TRPM6: variants seen among roughly 807,000 people sequenced by gnomAD.
The protein encoded by TRPM6 is channel kinase 2.
TRPM6 carries 111 observed loss-of-function variants against 247.6 expected under a neutral mutation model. The ratio of observed to expected loss-of-function variants is 0.45; its 90% CI spans 0.38 to 0.52. The LOEUF (loss-of-function observed/expected upper bound fraction) is 0.52. Ranked by LOEUF, TRPM6 falls within the 20% of genes least tolerant of loss-of-function variation. The pLI is 0.00. For synonymous variants in TRPM6, 892 were observed against 853.8 expected (o/e 1.04, Z -0.78); for missense variants, 2,126 against 2,421.5 (o/e 0.88, Z 2.56).
intron 34 of TRPM6, 134 bp downstream of exon 34, chr9:74,739,589 C>A: frequency 3.3e-6 from 5 of 1,517,444 alleles, no homozygotes; most frequent in Non-Finnish European, 4.6e-6. Flanking sequence ...AAAAGTCCTA[C>A]AAAGCAATAC....
intron 11 of TRPM6, among the ~76,000 whole-genome samples, chr9:74,813,043 G>C (rs1564026505): frequency 6.6e-6 from 1 of 152,176 alleles, no homozygotes; most frequent in Non-Finnish European, 1.5e-5. Context: ...TGAATGTACA[G>C]GCTTAATGCA....
rs375322931 is a variant in TRPM6 at position 74,762,694 on chromosome 9, A to G, written c.3977T>C (p.Ile1326Thr). The G allele has an allele frequency of 1.2e-5, 20 of 1,614,028 alleles. No individual in the cohort carries two copies. Among genetic ancestry groups the G allele is most frequent in the Admixed American group, 3.3e-5 (2 of 60,008 alleles). ...DQERQETQSS[I>T]VVSGVSPNRQ... ...GTTAGGAGACACCCCAGAAACCACT[A>G]TACTACTTTGTGTTTCTTGCCTTTC... The change falls in exon 26 of 39, where the codon ATA (isoleucine) becomes ACA (threonine). Residue 1326 changes from isoleucine to threonine, a missense_variant. By Grantham distance (89) the Ile-to-Thr change is moderately conservative. This residue lies in a region of TRPM6 where 717 missense variants were observed against 715.9 expected (regional missense o/e 1.00). Coordinates refer to ENST00000360774, the MANE Select transcript of TRPM6 (RefSeq NM_017662.5).
rs779828405 is a variant in TRPM6 at position 74,752,303 on chromosome 9, T to C, written c.4972A>G (p.Ser1658Gly). 1 of 1,600,758 alleles carries C rather than the reference T, an allele frequency of 6.2e-7. No individual in the cohort carries two copies. The highest frequency in any genetic ancestry group is 1.7e-5 in the Admixed American group (1 of 59,688). Residue 1658 changes from serine (S) to glycine (G), a missense_variant, in exon 29 of 39, where the codon AGT becomes GGT. By Grantham distance (56) the Ser-to-Gly change is moderately conservative (BLOSUM62 0). Around this residue, in one of 3 missense-constraint regions of TRPM6, gnomAD observed 717 missense variants for 715.9 expected, o/e 1.00. Transcript: ENST00000360774. ...KEIGQCAIQI[S>G]DYLKQSQEDL... Reference sequence around the variant, plus strand: ...TCTTGAGACTGCTTTAGGTAATCACTGATTTGTATAGCACATTGTCCAATT... The same window carrying C: ...TCTTGAGACTGCTTTAGGTAATCACCGATTTGTATAGCACATTGTCCAATT...
At chr9:74,883,866 T>C (rs1468413758) in intron 1 of TRPM6, among the ~76,000 whole-genome samples, 2 of 152,062 alleles carry the variant, frequency 1.3e-5, no homozygotes. Context: ...TTAAAATAAA[T>C]AGATCGGGTG....
rs956515483 is a variant in TRPM6, at chr9:74,761,926, A to AAAAAC, written c.4672+68_4672+72dup. On this transcript the variant is annotated intron_variant, in intron 26 of 38. Transcript: ENST00000360774. Reference sequence around the variant, plus strand: ...AATGTGGTTAAGAGTCACAGATTTAAAAAACAAAACAAAACAAAACCAGTA... The same window carrying AAAAAC: ...AATGTGGTTAAGAGTCACAGATTTAAAAAACAAAACAAAACAAAACAAAACCAGTA... 152 of 1,563,048 alleles carry AAAAAC rather than the reference A, an allele frequency of 9.7e-5. No individual in the cohort carries two copies. In the East Asian group the frequency reaches 2.5e-3, roughly 26 times the overall value.
At chr9:74,882,626 A>C (rs1252729091) in intron 1 of TRPM6, among the ~76,000 whole-genome samples, 1 of 152,208 alleles carries the variant, frequency 6.6e-6, no homozygotes, top group East Asian at 1.9e-4. Flanking sequence ...ACTGGCAAGG[A>C]TGCAGAGAAA....
intron 3 of TRPM6, among the ~76,000 whole-genome samples, chr9:74,852,649 G>A (rs1234847402): frequency 1.5e-5 from 2 of 136,252 alleles, no homozygotes; most frequent in Non-Finnish European, 3.2e-5. Flanking sequence ...GCGCCGCCAC[G>A]CCTGACTGGT....
chr9:74,805,311 G>A (rs1828491913), intron 14 of TRPM6, among the ~76,000 whole-genome samples: 2 of 152,238 alleles, frequency 1.3e-5, no homozygotes, highest in South Asian at 4.1e-4. Context: ...CCTATGCTCT[G>A]TAATGCAATT....
intron 21 of TRPM6, among the ~76,000 whole-genome samples, chr9:74,783,506 C>G (rs1827536045): frequency 6.6e-6 from 1 of 152,194 alleles, no homozygotes. Flanking sequence ...AGCCATTAGA[C>G]TTTCTCCATC....
intron 11 of TRPM6, among the ~76,000 whole-genome samples, chr9:74,814,742 G>C (rs1471412248): frequency 6.6e-6 from 1 of 152,128 alleles, no homozygotes; most frequent in Non-Finnish European, 1.5e-5. Context: ...CTTGAGCCTA[G>C]GAGTTCGACC....
At chr9:74,792,837 T>C (rs1390168867) in intron 18 of TRPM6, 67 bp from the exon 19 acceptor site, 9 of 1,424,348 alleles carry the variant, frequency 6.3e-6, no homozygotes, top group Non-Finnish European at 8.9e-6. Context: ...AGCATGAACA[T>C]CCAAAAAATA....
At chr9:74,852,836 C>G (rs532375229) in intron 3 of TRPM6, among the ~76,000 whole-genome samples, 8 of 151,840 alleles carry the variant, frequency 5.3e-5, no homozygotes, top group South Asian at 2.1e-4. Context: ...GATCTCGGCT[C>G]GCTACAACCT....
chr9:74,756,960 G>A (rs547429282), intron 27 of TRPM6, among the ~76,000 whole-genome samples: 3 of 152,198 alleles, frequency 2.0e-5, no homozygotes, highest in Non-Finnish European at 2.9e-5. Flanking sequence ...TACTTTGGGA[G>A]GTGAGGTGGG....
At chr9:74,835,443 G>C (rs1385205680) in intron 5 of TRPM6, among the ~76,000 whole-genome samples, 1 of 151,982 alleles carries the variant, frequency 6.6e-6, no homozygotes, top group African/African-American at 2.4e-5. Context: ...TATGTCCCTT[G>C]CTCATTAAGG....
chr9:74,738,656 A>C (rs779042453), intron 35 of TRPM6, 44 bp from the exon 36 acceptor site: 7 of 1,550,370 alleles, frequency 4.5e-6, no homozygotes, highest in Non-Finnish European at 5.3e-6. Context: ...AATACAGCAA[A>C]AGTGGGACTT....
chr9:74,856,465 GTC>G (rs71497364), intron 2 of TRPM6, among the ~76,000 whole-genome samples: 3 of 118,056 alleles, frequency 2.5e-5, no homozygotes, highest in Non-Finnish European at 5.1e-5. Flanking sequence ...GTGTGTGTGT[GTC>G]TGTGTGTGTG....
intron 14 of TRPM6, chr9:74,804,520 A>G: frequency 1.4e-6 from 1 of 719,998 alleles, no homozygotes; most frequent in South Asian, 1.4e-5. Context: ...GAGATTGAAA[A>G]AGAAGAGCAG....
intron 5 of TRPM6, among the ~76,000 whole-genome samples, chr9:74,835,799 T>C (rs990707400): frequency 2.6e-5 from 4 of 152,108 alleles, no homozygotes; most frequent in Non-Finnish European, 5.9e-5. Flanking sequence ...TAGACTTTAT[T>C]TTTTAGAGTA....
Position 74,763,000 on chromosome 9 carries a change from A to T in TRPM6, c.3671T>A (p.Val1224Asp). The T allele has an allele frequency of 6.2e-7, 1 of 1,613,304 alleles. No individual in the cohort carries two copies. The highest frequency in any genetic ancestry group is 1.1e-5 in the South Asian group (1 of 91,064). Residue 1224 changes from valine (V) to aspartate (D), a missense_variant, in exon 26 of 39, where the codon GTC becomes GAC. By Grantham distance (152) the Val-to-Asp change is radical. This residue lies in a region of TRPM6 where 717 missense variants were observed against 715.9 expected (regional missense o/e 1.00). Transcript: ENST00000360774. ...TTGCAAAGTGTCAACAGCAGAAAGG[A>T]CTTTCAGGGTATCCACAGTCAGGGC... ...LSALTVDTLK[V>D]LSAVDTLQED...
Sources: gnomAD v4.1 joint callset for allele counts (sites outside exome capture counted in the v4.1 genomes callset) on GRCh38, gnomAD v4.1.1 for gene constraint, gnomAD v4.1.1 regional missense constraint, MANE v1.5 for transcripts, NCBI Gene and HGNC (gene_info 2026-07-23, HGNC 2026-07-21) for gene names.